The following SASH1 variants were observed in gnomAD, a reference collection of about 807,000 sequenced individuals.
SASH1 encodes the protein SAM and SH3 domain containing 1, also known as SAM and SH3 domain-containing protein 1.
A neutral mutation model predicts 125.2 loss-of-function variants in SASH1; 44 were observed. That is an observed-to-expected ratio of 0.35 (90% CI 0.28 to 0.45). The LOEUF is 0.45. Among genes scored for constraint, SASH1 ranks in the 20% least tolerant of loss-of-function variants. The probability of loss-of-function intolerance (pLI) is 1.00; values close to 1 mark genes in which losing one functional copy is unlikely to be tolerated. For missense variants in SASH1, 1,426 were observed against 1,614.5 expected, an observed-to-expected ratio of 0.88 and a Z score of 2.00; for synonymous variants, 639 against 649.1, an observed-to-expected ratio of 0.98 and a Z score of 0.24.
chr6:148,231,224 T>C, the SASH1 span, among the ~76,000 whole-genome samples: 1 of 152,226 alleles, frequency 6.6e-6, no homozygotes, highest in Non-Finnish European at 1.5e-5. Context: ...GCATTATTTG[T>C]TGAAATGTCT....
the SASH1 span, among the ~76,000 whole-genome samples, chr6:148,216,688 C>T: frequency 2.1e-3 from 323 of 152,098 alleles, 1 homozygote; most frequent in Non-Finnish European, 3.6e-3. Flanking sequence ...CTGAAGCCAG[C>T]CTCTCTCAGC....
chr6:148,218,025 A>AT, the SASH1 span, among the ~76,000 whole-genome samples: 1 of 150,888 alleles, frequency 6.6e-6, no homozygotes, highest in Non-Finnish European at 1.5e-5. Context: ...AAAAAAAAAA[A>AT]AATAAATAAA....
Position 148,321,561 on chromosome 6 carries a change from G to C in SASH1, n.74+49184G>C, listed in dbSNP as rs77076059. 6.4e-3 allele frequency among the ~76,000 whole-genome samples: 976 copies of C among 152,224 alleles called. 6 individuals are homozygous for C. Among genetic ancestry groups the C allele is most frequent in the African/African-American group, 0.023 (952 of 41,536 alleles). On this transcript the variant is annotated intron_variant and non_coding_transcript_variant, in intron 1 of 3. Coordinates refer to the SASH1 transcript ENST00000367469. Reference sequence around the variant, plus strand: ...TAATGGTGATCAAACATGGCACCTGGCTGACTGCACTCTTTGAAAGTAATG... The same window carrying C: ...TAATGGTGATCAAACATGGCACCTGCCTGACTGCACTCTTTGAAAGTAATG...
intron 1 of SASH1, among the ~76,000 whole-genome samples, chr6:148,307,024 T>TTTTCTTTTCTTTCTTTC (rs1462921182): frequency 1.2e-4 from 14 of 120,782 alleles, no homozygotes; most frequent in African/African-American, 2.2e-4. Flanking sequence ...TTTCTCTTTC[T>TTTTCTTTTCTTTCTTTC]TTTCTTTCTT....
intron 2 of SASH1, among the ~76,000 whole-genome samples, chr6:148,402,990 A>T (rs1162204491): frequency 6.6e-6 from 1 of 152,168 alleles, no homozygotes; most frequent in Non-Finnish European, 1.5e-5. Context: ...CTTATCATAG[A>T]TATTATTATT....
In SASH1 at chr6:148,440,317, G is replaced by T. The variant is rs747338537; in HGVS notation, c.337-41G>T. ...ACTCTGTACAAATCAGATGAAGCCT[G>T]CTGCTCTGACCACACTGACTATACG... is the stretch of plus-strand genomic sequence containing the variant. On this transcript the variant is annotated intron_variant, in intron 3 of 19. Coordinates refer to ENST00000367467, the MANE Select transcript of SASH1 (RefSeq NM_015278.5). 3.1e-6 allele frequency: 5 copies of T among 1,609,816 alleles called. No homozygotes were observed. In the South Asian group the frequency reaches 4.4e-5, roughly 14 times the overall value.
chr6:148,481,284 G>A (rs554541648), intron 7 of SASH1, among the ~76,000 whole-genome samples: 1 of 152,256 alleles, frequency 6.6e-6, no homozygotes, highest in Non-Finnish European at 1.5e-5. Flanking sequence ...GAGTGTTGTG[G>A]CTGTTCTGAT....
At chr6:148,312,925 G>A (rs1483034196) in intron 1 of SASH1, among the ~76,000 whole-genome samples, 2 of 152,128 alleles carry the variant, frequency 1.3e-5, no homozygotes, top group Non-Finnish European at 2.9e-5. Flanking sequence ...TGGGGAGGTG[G>A]CATCAGATTG....
chr6:148,384,654 G>A (rs567045986), intron 1 of SASH1, among the ~76,000 whole-genome samples: 75 of 152,254 alleles, frequency 4.9e-4, no homozygotes, highest in African/African-American at 1.8e-3. Flanking sequence ...TATGGAGTAG[G>A]TCTGTAGCTA....
chr6:148,226,761 A>G, the SASH1 span, among the ~76,000 whole-genome samples: 762 of 152,338 alleles, frequency 5.0e-3, 9 homozygotes, highest in Middle Eastern at 0.017. Flanking sequence ...TTCCAGTGGT[A>G]GAAGAGTCCA....
At chr6:148,531,838 C>T (rs957169890) in intron 13 of SASH1, among the ~76,000 whole-genome samples, 177 bp downstream of exon 13, 1 of 149,090 alleles carries the variant, frequency 6.7e-6, no homozygotes, top group African/African-American at 2.5e-5. Context: ...TATTAGTAGA[C>T]ATGCAGCAGC....
At position 148,471,439 on chromosome 6, in the gene SASH1, A is replaced by G. The variant is rs1778110768; in HGVS notation, c.450A>G (p.Lys150=). 2.5e-6 allele frequency: 4 copies of G among 1,572,612 alleles called. No individual in the cohort carries two copies. Among genetic ancestry groups the G allele is most frequent in the Admixed American group, 1.7e-5 (1 of 57,592 alleles). ...AAGGAAAAGGAGACTGGAAGAAGAAAAATAAGTATTTCTGGCAGAACTTCC... is the reference window on the plus strand; with the variant it reads ...AAGGAAAAGGAGACTGGAAGAAGAAGAATAAGTATTTCTGGCAGAACTTCC... ...SSVGKGDWKK[K]NKYFWQNFRK... is the part of the protein sequence containing the mutation. The change falls in exon 6 of 20, where the codon AAA becomes AAG. Residue 150 remains lysine, a synonymous_variant. Coordinates refer to ENST00000367467, the MANE Select transcript of SASH1 (RefSeq NM_015278.5).
chr6:148,348,637 ACGT>A (rs1384586014), intron 1 of SASH1, among the ~76,000 whole-genome samples: 1 of 151,844 alleles, frequency 6.6e-6, no homozygotes, highest in Non-Finnish European at 1.5e-5. Flanking sequence ...TCAGATGTAA[ACGT>A]CTGTGTCCTA....
chr6:148,430,594 AGT>A (rs1185326146), intron 2 of SASH1, among the ~76,000 whole-genome samples: 1 of 152,222 alleles, frequency 6.6e-6, no homozygotes, highest in African/African-American at 2.4e-5. Context: ...GGCCTCCCAG[AGT>A]GTTAGGATTA....
At chr6:148,427,700 C>T (rs2114966186) in intron 2 of SASH1, among the ~76,000 whole-genome samples, 1 of 152,322 alleles carries the variant, frequency 6.6e-6, no homozygotes, top group East Asian at 1.9e-4. Context: ...TCAAATTACT[C>T]CTGAATTTAA....
At chr6:148,468,418 A>G (rs1165489550) in intron 4 of SASH1, 127 bp from the exon 5 acceptor site, 1 of 660,686 alleles carries the variant, frequency 1.5e-6, no homozygotes, top group South Asian at 2.2e-5. Flanking sequence ...CCAGTGGTAA[A>G]TAGCCTATAA....
chr6:148,419,153 C>G (rs1481796998), intron 2 of SASH1, among the ~76,000 whole-genome samples: 2 of 152,138 alleles, frequency 1.3e-5, no homozygotes, highest in African/African-American at 4.8e-5. Context: ...CATGTGAAGG[C>G]CATTTGTCTG....
chr6:148,393,384 A>G (rs1783814853), intron 2 of SASH1, among the ~76,000 whole-genome samples: 1 of 152,038 alleles, frequency 6.6e-6, no homozygotes, highest in South Asian at 2.1e-4. Context: ...CTTGCCTCAA[A>G]TGATAGTCTG....
At chr6:148,542,386 A>G (rs1432143742) in intron 17 of SASH1, among the ~76,000 whole-genome samples, 1 of 150,408 alleles carries the variant, frequency 6.6e-6, no homozygotes, top group Non-Finnish European at 1.5e-5. Context: ...ATCTGTGATG[A>G]TTTTTCTTTT....
Sources: allele counts gnomAD v4.1 joint callset (sites outside exome capture counted in the v4.1 genomes callset), GRCh38; gene constraint gnomAD v4.1.1; transcripts MANE v1.5; gene names NCBI Gene and HGNC (gene_info 2026-07-23, HGNC 2026-07-21).